ATXN7L1: variants seen among roughly 807,000 people sequenced by gnomAD.
The protein encoded by ATXN7L1 is ataxin-7-like protein 1.
In ATXN7L1, 15 loss-of-function variants were observed where a neutral mutation model predicts 70.8. That is an observed-to-expected ratio of 0.21 (90% CI 0.14 to 0.33). The LOEUF (loss-of-function observed/expected upper bound fraction) is 0.33, where lower values mean the gene tolerates loss of function less well. Ranked by LOEUF, ATXN7L1 falls within the 10% of genes least tolerant of loss-of-function variation. The pLI, the probability that ATXN7L1 is intolerant of heterozygous loss-of-function variation, is 1.00. For synonymous variants in ATXN7L1, 440 were observed against 445.1 expected (o/e 0.99, Z 0.14); for missense variants, 975 against 1,097.1 (o/e 0.89, Z 1.57).
intron 2 of ATXN7L1, among the ~76,000 whole-genome samples, chr7:105,859,622 G>A (rs1816259193): frequency 6.6e-6 from 1 of 151,920 alleles, no homozygotes; most frequent in South Asian, 2.1e-4. Context: ...TGTAGCCTAG[G>A]AGCAATAGGT....
chr7:105,839,105 C>T (rs550006742), intron 2 of ATXN7L1, among the ~76,000 whole-genome samples: 1 of 152,316 alleles, frequency 6.6e-6, no homozygotes, highest in East Asian at 1.9e-4. Context: ...CAGCATCTGA[C>T]ACATTCAGCT....
intron 2 of ATXN7L1, among the ~76,000 whole-genome samples, chr7:105,836,455 C>T (rs1228232163): frequency 6.6e-6 from 1 of 152,066 alleles, no homozygotes; most frequent in Admixed American, 6.5e-5. Context: ...AAATGGGATG[C>T]CAGCATTTAA....
intron 7 of ATXN7L1, among the ~76,000 whole-genome samples, chr7:105,627,737 G>A (rs1795926615): frequency 6.6e-6 from 1 of 151,598 alleles, no homozygotes; most frequent in South Asian, 2.1e-4. Context: ...TCACCATGTT[G>A]GCCAGGCTGG....
At chr7:105,828,530 A>T (rs1811176583) in intron 2 of ATXN7L1, among the ~76,000 whole-genome samples, 1 of 152,214 alleles carries the variant, frequency 6.6e-6, no homozygotes, top group African/African-American at 2.4e-5. Flanking sequence ...GGTCAGGGAG[A>T]CAGGTGAATA....
chr7:105,751,379 G>A (rs1763746968), intron 3 of ATXN7L1, among the ~76,000 whole-genome samples: 1 of 152,166 alleles, frequency 6.6e-6, no homozygotes, highest in South Asian at 2.1e-4. Context: ...CAGAAAGGCT[G>A]GGGTGTAGTG....
At chr7:105,665,943 G>A (rs1237426783) in intron 3 of ATXN7L1, among the ~76,000 whole-genome samples, 1 of 152,206 alleles carries the variant, frequency 6.6e-6, no homozygotes, top group South Asian at 2.1e-4. Context: ...ATGGACTTGG[G>A]CCGGCGAGCA....
At chr7:105,621,506 G>T (rs145349550) in intron 8 of ATXN7L1, among the ~76,000 whole-genome samples, 10 of 152,356 alleles carry the variant, frequency 6.6e-5, no homozygotes, top group African/African-American at 2.4e-4. Flanking sequence ...CTAACAAATA[G>T]ATGGGGGAGA....
At chr7:105,714,067 GCTTAGCT>G (rs1794238653) in intron 3 of ATXN7L1, among the ~76,000 whole-genome samples, 1 of 152,212 alleles carries the variant, frequency 6.6e-6, no homozygotes, top group South Asian at 2.1e-4. Flanking sequence ...ACTTCACATA[GCTTAGCT>G]CATCTAATCT....
intron 2 of ATXN7L1, among the ~76,000 whole-genome samples, chr7:105,789,667 G>A (rs2116484021): frequency 6.6e-6 from 1 of 152,234 alleles, no homozygotes; most frequent in African/African-American, 2.4e-5. Flanking sequence ...GAACAGAACA[G>A]GGGAAACAGC....
chr7:105,718,850 G>T (rs917744936), intron 3 of ATXN7L1, among the ~76,000 whole-genome samples: 18 of 152,194 alleles, frequency 1.2e-4, no homozygotes, highest in Admixed American at 1.0e-3. Context: ...CCAAGAGAAG[G>T]TTACAGCATG....
chr7:105,709,862 A>G (rs1336113108), intron 3 of ATXN7L1, among the ~76,000 whole-genome samples: 1 of 151,042 alleles, frequency 6.6e-6, no homozygotes, highest in Non-Finnish European at 1.5e-5. Flanking sequence ...CCAAATAATA[A>G]TAAAGCTTGC....
At chr7:105,620,784 C>T (rs927897166) in intron 8 of ATXN7L1, among the ~76,000 whole-genome samples, 4 of 151,256 alleles carry the variant, frequency 2.6e-5, no homozygotes, top group South Asian at 2.1e-4. Context: ...GATCCCAGCT[C>T]GTAGGGAGGC....
In ATXN7L1 at chr7:105,829,683, T is replaced by G. The variant is rs1373611018; in HGVS notation, c.251-40975A>C. Reference sequence around the variant, plus strand: ...GTAACCAAAATCATAGATTTCAGCATGCATTATCAAAATGCATTTACTAAA... The same window carrying G: ...GTAACCAAAATCATAGATTTCAGCAGGCATTATCAAAATGCATTTACTAAA... On this transcript the variant is annotated intron_variant, in intron 2 of 11. Transcript: ENST00000419735. Among the ~76,000 whole-genome samples, 7 of 152,362 alleles carry G rather than the reference T, an allele frequency of 4.6e-5. No homozygotes were observed. In the South Asian group the frequency reaches 1.4e-3, roughly 32 times the overall value.
intron 5 of ATXN7L1, among the ~76,000 whole-genome samples, chr7:105,640,872 G>GA (rs1172151881): frequency 3.9e-5 from 6 of 152,238 alleles, no homozygotes; most frequent in Non-Finnish European, 1.5e-5. Flanking sequence ...CATGTGGGTA[G>GA]ACTGGCAGCA....
chr7:105,690,061 A>T (rs889329290), intron 3 of ATXN7L1, among the ~76,000 whole-genome samples: 1 of 152,136 alleles, frequency 6.6e-6, no homozygotes, highest in Non-Finnish European at 1.5e-5. Flanking sequence ...CTGGAGTGCA[A>T]TGGCGCGCTC....
intron 2 of ATXN7L1, among the ~76,000 whole-genome samples, chr7:105,800,151 G>A (rs1806600629): frequency 6.6e-6 from 1 of 152,142 alleles, no homozygotes; most frequent in African/African-American, 2.4e-5. Flanking sequence ...ATCAGCTAGA[G>A]GAGAAAAATC....
chr7:105,696,104 T>G (rs1223359205), intron 3 of ATXN7L1, among the ~76,000 whole-genome samples: 1 of 152,190 alleles, frequency 6.6e-6, no homozygotes, highest in Non-Finnish European at 1.5e-5. Context: ...TCCCTGAAAG[T>G]ACAACACAAG....
intron 3 of ATXN7L1, among the ~76,000 whole-genome samples, chr7:105,725,583 C>CTTT (rs11428348): frequency 1.4e-5 from 2 of 140,476 alleles, no homozygotes; most frequent in South Asian, 2.3e-4. Flanking sequence ...TTTCCATTTC[C>CTTT]TTTTTTTTTT....
At chr7:105,762,409 T>C (rs1398268121) in intron 3 of ATXN7L1, among the ~76,000 whole-genome samples, 2 of 152,202 alleles carry the variant, frequency 1.3e-5, no homozygotes, top group African/African-American at 4.8e-5. Flanking sequence ...CTTTCTCTTC[T>C]CTGGAACCAA....
Sources: gnomAD v4.1 joint callset for allele counts (sites outside exome capture counted in the v4.1 genomes callset) on GRCh38, gnomAD v4.1.1 for gene constraint, MANE v1.5 for transcripts, NCBI Gene and HGNC (gene_info 2026-07-23, HGNC 2026-07-21) for gene names.